The following ADORA2B variants were observed in gnomAD, a reference collection of about 807,000 sequenced individuals.
The protein encoded by ADORA2B is adenosine A2b receptor, also known as adenosine receptor A2b.
ADORA2B carries 18 observed loss-of-function variants against 20.8 expected under a neutral mutation model. The observed-to-expected ratio is 0.87, with a 90% confidence interval of 0.60 to 1.29. ADORA2B has a LOEUF of 1.29. ADORA2B is among the 50% of genes most tolerant of loss of function. The pLI, the probability that ADORA2B is intolerant of heterozygous loss-of-function variation, is 0.00. For synonymous variants in ADORA2B, 179 were observed against 178.3 expected (o/e 1.00, Z -0.03); for missense variants, 441 against 422.7 (o/e 1.04, Z -0.38).
chr17:15,921,312 G>T, the ADORA2B span, among the ~76,000 whole-genome samples: 2 of 152,186 alleles, frequency 1.3e-5, no homozygotes, highest in East Asian at 1.9e-4. Context: ...CTGTTCTTCT[G>T]CAGCAGCAGT....
the ADORA2B span, among the ~76,000 whole-genome samples, chr17:15,866,694 T>TCTGCCTCTGCCG: frequency 4.2e-5 from 6 of 143,792 alleles, 1 homozygote; most frequent in South Asian, 2.3e-4. Flanking sequence ...TCCCTCTGCC[T>TCTGCCTCTGCCG]CTGCCTCTGC....
chr17:15,894,648 TAGAC>T, the ADORA2B span, among the ~76,000 whole-genome samples: 1 of 152,092 alleles, frequency 6.6e-6, no homozygotes, highest in Admixed American at 6.5e-5. Context: ...AAATATGTCT[TAGAC>T]AGAATCAGCT....
At chr17:15,917,067 T>C in the ADORA2B span, among the ~76,000 whole-genome samples, 1 of 152,298 alleles carries the variant, frequency 6.6e-6, no homozygotes, top group Admixed American at 6.5e-5. Flanking sequence ...CCCAGCTCTT[T>C]GGGAGGACAA....
rs898657626 is a variant in ADORA2B at position 15,951,709 on chromosome 17, A to C, written c.335+6126A>C. ...GTAATTCAATCCAGAGGATACCTGA[A>C]GGCCCTCTCCCTTCGGGGAGGGTAG... is the stretch of plus-strand genomic sequence containing the variant. On this transcript the variant is annotated intron_variant, in intron 1 of 1. Coordinates refer to ENST00000304222, the MANE Select transcript of ADORA2B (RefSeq NM_000676.4). 2.0e-5 allele frequency among the ~76,000 whole-genome samples: 3 copies of C among 152,208 alleles called. No individual in the cohort carries two copies. The East Asian group carries it at 5.8e-4, about 29-fold the overall frequency.
the ADORA2B span, among the ~76,000 whole-genome samples, chr17:15,929,947 A>G: frequency 3.3e-5 from 5 of 152,168 alleles, no homozygotes; most frequent in African/African-American, 1.2e-4. Flanking sequence ...AATGGAGGTG[A>G]TGGCTGCACA....
At chr17:15,929,098 T>G in the ADORA2B span, among the ~76,000 whole-genome samples, 1 of 152,108 alleles carries the variant, frequency 6.6e-6, no homozygotes, top group African/African-American at 2.4e-5. Context: ...AGACCCCGAC[T>G]TCTAGCAGAG....
chr17:15,923,995 C>A, the ADORA2B span, among the ~76,000 whole-genome samples: 1 of 152,176 alleles, frequency 6.6e-6, no homozygotes, highest in African/African-American at 2.4e-5. Context: ...TCACTGCAAC[C>A]TTTGCCTCCC....
chr17:15,938,451 C>T, the ADORA2B span, among the ~76,000 whole-genome samples: 553 of 152,124 alleles, frequency 3.6e-3, 30 homozygotes, highest in East Asian at 0.093. Context: ...TACAGGCGCC[C>T]GCCACCACGC....
At chr17:15,899,184 A>G in the ADORA2B span, among the ~76,000 whole-genome samples, 2 of 151,924 alleles carry the variant, frequency 1.3e-5, no homozygotes, top group African/African-American at 4.8e-5. Context: ...GTGCCAAGAT[A>G]GCACCACTGC....
At chr17:15,913,793 A>G in the ADORA2B span, among the ~76,000 whole-genome samples, 37 of 152,220 alleles carry the variant, frequency 2.4e-4, no homozygotes, top group Non-Finnish European at 4.3e-4. Context: ...CATCTGGGTT[A>G]CTATTTATAT....
chr17:15,901,836 C>T, the ADORA2B span, among the ~76,000 whole-genome samples: 1 of 152,214 alleles, frequency 6.6e-6, no homozygotes, highest in Non-Finnish European at 1.5e-5. Context: ...AGACCACGAG[C>T]TCCCAAGAGC....
At chr17:15,866,143 A>G in the ADORA2B span, among the ~76,000 whole-genome samples, 304 of 152,296 alleles carry the variant, frequency 2.0e-3, 1 homozygote, top group African/African-American at 6.9e-3. Context: ...CTCTTGAAAC[A>G]CATATGTGCT....
chr17:15,953,843 C>T (rs1396640393), intron 1 of ADORA2B, among the ~76,000 whole-genome samples: 2 of 152,124 alleles, frequency 1.3e-5, no homozygotes, highest in Non-Finnish European at 2.9e-5. Context: ...TAGAGTTGTC[C>T]CCTGTCTTGG....
At chr17:15,974,433 G>A (rs991295407) in intron 1 of ADORA2B, 1 of 448,408 alleles carries the variant, frequency 2.2e-6, no homozygotes, top group Non-Finnish European at 4.0e-6. Flanking sequence ...CTTGTCATTG[G>A]CCATCCTGTG....
chr17:15,888,319 T>C, the ADORA2B span, among the ~76,000 whole-genome samples: 1 of 129,562 alleles, frequency 7.7e-6, no homozygotes, highest in Non-Finnish European at 1.6e-5. Flanking sequence ...CCCTCATGGC[T>C]GCGGCTGGGA....
chr17:15,899,835 T>C, the ADORA2B span, among the ~76,000 whole-genome samples: 2 of 151,998 alleles, frequency 1.3e-5, no homozygotes, highest in Non-Finnish European at 2.9e-5. Context: ...ATTTTCTTTT[T>C]TTCTTTTTTT....
At chr17:15,890,232 G>A in the ADORA2B span, among the ~76,000 whole-genome samples, 4 of 128,552 alleles carry the variant, frequency 3.1e-5, 1 homozygote, top group East Asian at 4.1e-4. Context: ...ATACTTTACC[G>A]TTTTCATTTT....
the ADORA2B span, among the ~76,000 whole-genome samples, chr17:15,929,539 G>T: frequency 6.6e-6 from 1 of 152,152 alleles, no homozygotes; most frequent in Non-Finnish European, 1.5e-5. Context: ...CCTCCACCAG[G>T]TATCAAAAGT....
At chr17:15,890,245 A>G in the ADORA2B span, among the ~76,000 whole-genome samples, 1 of 129,090 alleles carries the variant, frequency 7.7e-6, no homozygotes, top group Non-Finnish European at 1.6e-5. Flanking sequence ...TTCATTTTCA[A>G]TGAGACTGAA....
Sources: gnomAD v4.1 joint callset for allele counts (sites outside exome capture counted in the v4.1 genomes callset) on GRCh38, gnomAD v4.1.1 for gene constraint, MANE v1.5 for transcripts, NCBI Gene and HGNC (gene_info 2026-07-23, HGNC 2026-07-21) for gene names.